The following UPP2 variants were observed in gnomAD, a reference collection of about 807,000 sequenced individuals.
The protein encoded by UPP2 is UPase 2.
UPP2 carries 23 observed loss-of-function variants against 26.7 expected under a neutral mutation model. The observed-to-expected ratio is 0.86, with a 90% CI of 0.62 to 1.22. UPP2 has a LOEUF of 1.22. UPP2 is among the 50% of genes most tolerant of loss of function. UPP2 has a pLI of 0.00. For synonymous variants in UPP2, 127 were observed against 141.3 expected (o/e 0.90, Z 0.72); for missense variants, 387 against 396.7 (o/e 0.98, Z 0.21).
At chr2:158,009,524 G>A (rs1017864575) in intron 2 of UPP2, among the ~76,000 whole-genome samples, 3 of 152,250 alleles carry the variant, frequency 2.0e-5, no homozygotes, top group African/African-American at 7.2e-5. Context: ...GTGTGCAGAT[G>A]AAATATGGCT....
intron 3 of UPP2, among the ~76,000 whole-genome samples, chr2:158,085,767 T>G (rs1682805446): frequency 6.6e-6 from 1 of 152,134 alleles, no homozygotes; most frequent in Non-Finnish European, 1.5e-5. Context: ...GATCATGTGA[T>G]TTTTGTTTTT....
intron 2 of UPP2, among the ~76,000 whole-genome samples, chr2:158,112,915 A>C (rs543894079): frequency 6.6e-5 from 10 of 152,282 alleles, no homozygotes; most frequent in Admixed American, 1.3e-4. Context: ...GTGTGTTTCT[A>C]ACTTCTTTGA....
In UPP2 at chr2:158,129,713, TAA is replaced by T. The variant is rs35346642; in HGVS notation, c.812-5025_812-5024del. 3.4e-3 allele frequency among the ~76,000 whole-genome samples: 503 copies of T among 146,394 alleles called. 6 individuals carry two copies. Among genetic ancestry groups the T allele is most frequent in the African/African-American group, 0.012 (486 of 39,684 alleles). ...CATAATAATATAATTTAAACAGAGG[TAA>T]AAAAAAAAATAGGAGGCATTTATTT... is the stretch of plus-strand genomic sequence containing the variant. On this transcript the variant is annotated intron_variant, in intron 6 of 6. Coordinates refer to ENST00000005756, the MANE Select transcript of UPP2 (RefSeq NM_173355.4).
At chr2:158,048,441 A>G (rs1682084593) in intron 3 of UPP2, among the ~76,000 whole-genome samples, 2 of 152,168 alleles carry the variant, frequency 1.3e-5, no homozygotes, top group South Asian at 4.1e-4. Context: ...CCCCATCTCT[A>G]CCAAAAAATA....
chr2:158,041,176 A>G (rs1684076915), intron 3 of UPP2, among the ~76,000 whole-genome samples: 1 of 152,332 alleles, frequency 6.6e-6, no homozygotes, highest in African/African-American at 2.4e-5. Flanking sequence ...AATCACTTGA[A>G]ACAAGAAGCA....
At chr2:158,049,563 A>G (rs1438605669) in intron 3 of UPP2, among the ~76,000 whole-genome samples, 1 of 152,168 alleles carries the variant, frequency 6.6e-6, no homozygotes, top group Non-Finnish European at 1.5e-5. Flanking sequence ...TTTAGGGGTA[A>G]TACATTAGTG....
chr2:158,068,782 A>G (rs1436616130), intron 3 of UPP2, among the ~76,000 whole-genome samples: 1 of 9,956 alleles, frequency 1.0e-4, no homozygotes, highest in Non-Finnish European at 2.1e-4. Flanking sequence ...ATATATATAT[A>G]TATATATATA....
At chr2:158,020,336 A>G (rs993779590) in intron 3 of UPP2, among the ~76,000 whole-genome samples, 2 of 152,198 alleles carry the variant, frequency 1.3e-5, no homozygotes, top group African/African-American at 4.8e-5. Flanking sequence ...AAGGTTTGGT[A>G]TGAGGATCTC....
chr2:158,074,790 G>A (rs961324417), intron 3 of UPP2, among the ~76,000 whole-genome samples: 2 of 149,548 alleles, frequency 1.3e-5, no homozygotes, highest in South Asian at 4.2e-4. Flanking sequence ...ATTGCAAATG[G>A]ACCAGACTCT....
intron 6 of UPP2, chr2:158,127,902 A>G (rs561904142): frequency 1.7e-4 from 116 of 687,114 alleles, no homozygotes; most frequent in Middle Eastern, 7.4e-4. Context: ...GCACTGTGCA[A>G]TGCTCAATAA....
At chr2:158,052,000 C>T (rs770590930) in intron 3 of UPP2, among the ~76,000 whole-genome samples, 1 of 152,092 alleles carries the variant, frequency 6.6e-6, no homozygotes, top group Non-Finnish European at 1.5e-5. Flanking sequence ...CAGTAAATAC[C>T]CTGCTACCCA....
intron 3 of UPP2, chr2:158,015,988 G>T (rs2105144650): frequency 3.2e-6 from 1 of 311,028 alleles, no homozygotes; most frequent in South Asian, 2.5e-5. Flanking sequence ...AAGTGAAATT[G>T]CTGGGTCATA....
In UPP2 at chr2:158,092,258, G is replaced by A. The variant is rs553347374; in HGVS notation, c.148-9782G>A. On this transcript the variant is annotated intron_variant, in intron 3 of 9. Coordinates refer to the UPP2 transcript ENST00000605860. ...TTTTCATAATTTGGAAGCACAGTGA[G>A]CCATGAGAATAAGTTATTTTCTAAA... 2.6e-5 allele frequency among the ~76,000 whole-genome samples: 4 copies of A among 152,256 alleles called. No individual in the cohort carries two copies. The East Asian group carries it at 7.7e-4, about 29-fold the overall frequency.
chr2:158,090,510 C>CA (rs1404148402), intron 3 of UPP2, among the ~76,000 whole-genome samples: 1 of 150,378 alleles, frequency 6.6e-6, no homozygotes. Flanking sequence ...CAAAAAAACC[C>CA]AAAAAACCCA....
chr2:158,094,882 A>G (rs375608023), intron 3 of UPP2, among the ~76,000 whole-genome samples: 133 of 152,312 alleles, frequency 8.7e-4, no homozygotes, highest in African/African-American at 3.0e-3. Flanking sequence ...AGCTTCCTCC[A>G]GCTGTGGAGG....
intron 3 of UPP2, among the ~76,000 whole-genome samples, chr2:158,047,808 A>C (rs375534505): frequency 3.3e-5 from 5 of 152,322 alleles, no homozygotes; most frequent in Admixed American, 1.3e-4. Context: ...CTTGGTGAAC[A>C]TATACTATAT....
chr2:158,042,946 C>T (rs1684101342), intron 3 of UPP2, among the ~76,000 whole-genome samples: 1 of 152,174 alleles, frequency 6.6e-6, no homozygotes, highest in Admixed American at 6.5e-5. Context: ...CTGTGAAGCT[C>T]CCCAGCACCC....
At chr2:158,092,828 G>T (rs965288214) in intron 3 of UPP2, among the ~76,000 whole-genome samples, 3 of 152,192 alleles carry the variant, frequency 2.0e-5, no homozygotes, top group Admixed American at 1.3e-4. Context: ...GCTTTGAATT[G>T]TATTAAGTAT....
At chr2:158,082,419 A>G (rs568936505) in intron 3 of UPP2, among the ~76,000 whole-genome samples, 1 of 152,242 alleles carries the variant, frequency 6.6e-6, no homozygotes, top group South Asian at 2.1e-4. Context: ...GCATCCTTAT[A>G]GCTTAGCTTC....
Sources: gnomAD v4.1 joint callset for allele counts (sites outside exome capture counted in the v4.1 genomes callset) on GRCh38, gnomAD v4.1.1 for gene constraint, MANE v1.5 for transcripts, NCBI Gene and HGNC (gene_info 2026-07-23, HGNC 2026-07-21) for gene names.